The following GLE1 variants were observed in gnomAD, a reference collection of about 807,000 sequenced individuals.
The protein encoded by GLE1 is GLE1 RNA export mediator, also known as mRNA export factor GLE1.
GLE1 carries 78 observed loss-of-function variants against 97.3 expected under a neutral mutation model. That is an observed-to-expected ratio of 0.80 (90% CI 0.67 to 0.97). The LOEUF is 0.97. Among genes scored for constraint, GLE1 ranks in the 50% least tolerant of loss-of-function variants. GLE1 has a pLI of 0.00. For synonymous variants in GLE1, 302 were observed against 313.4 expected, an observed-to-expected ratio of 0.96 and a Z score of 0.39; for missense variants, 753 against 857.5, an observed-to-expected ratio of 0.88 and a Z score of 1.52.
intron 15 of GLE1, chr9:128,540,804 C>A (rs531143822): frequency 3.5e-4 from 155 of 447,014 alleles, no homozygotes; most frequent in Non-Finnish European, 6.1e-4. Context: ...AGATAGCCTG[C>A]TGACTTTTCA....
intron 3 of GLE1, 86 bp from the exon 4 acceptor site, chr9:128,522,582 T>G: frequency 1.4e-6 from 2 of 1,417,024 alleles, no homozygotes; most frequent in Non-Finnish European, 1.9e-6. Flanking sequence ...ACCCGGGAGT[T>G]GGAGGTTGCA....
intron 14 of GLE1, chr9:128,539,932 G>A: frequency 8.3e-7 from 1 of 1,208,442 alleles, no homozygotes; most frequent in Admixed American, 2.5e-5. Flanking sequence ...TAGGGGCTGA[G>A]CACAGTGGCT....
At chr9:128,533,441 A>G in intron 9 of GLE1, 72 bp from the exon 10 acceptor site, 1 of 1,101,022 alleles carries the variant, frequency 9.1e-7, no homozygotes, top group Non-Finnish European at 1.3e-6. Context: ...AAAAAAAAAA[A>G]AAAAAAAAAA....
chr9:128,527,664 A>T (rs959152945), intron 9 of GLE1, 139 bp downstream of exon 9: 10 of 704,574 alleles, frequency 1.4e-5, no homozygotes, highest in East Asian at 2.7e-5. Flanking sequence ...TATAAGTGAC[A>T]TACATCTTGT....
chr9:128,507,138 C>T (rs566125945), intron 1 of GLE1, among the ~76,000 whole-genome samples: 1 of 152,278 alleles, frequency 6.6e-6, no homozygotes, highest in South Asian at 2.1e-4. Context: ...AGATCTGGTA[C>T]TAGATATGCT....
At chr9:128,526,844 A>G (rs141132047) in intron 7 of GLE1, among the ~76,000 whole-genome samples, 271 of 151,942 alleles carry the variant, frequency 1.8e-3, no homozygotes, top group Non-Finnish European at 2.8e-3. Flanking sequence ...TAATTTGTGT[A>G]TTTTTTGTAG....
At position 128,515,649 on chromosome 9, in the gene GLE1, C is replaced by T. The variant is rs1266806972; in HGVS notation, c.432+10C>T. ...CAGAATGAAAGGAACAGTAAGTGAA[C>T]CCATGAAGGAAGGCAGCCTTGATCC... On this transcript the variant is annotated intron_variant, in intron 3 of 15. Coordinates refer to ENST00000309971, the MANE Select transcript of GLE1 (RefSeq NM_001003722.2). The T allele has an allele frequency of 2.8e-6, 4 of 1,442,014 alleles. No individual in the cohort carries two copies. The highest frequency in any genetic ancestry group is 4.5e-5 in the East Asian group (2 of 44,008). The allele number at this position is 1,442,014 out of a possible 1,614,324, so 89.3% of individuals were successfully genotyped here. A position where few individuals can be genotyped will look rare whatever the true frequency, so the allele number is the denominator to read the frequency against.
At position 128,541,213 on chromosome 9, in the gene GLE1, A is replaced by C. The variant is rs994877729; in HGVS notation, c.*43A>C. On this transcript the variant is annotated 3_prime_UTR_variant, in exon 16 of 16. Transcript: ENST00000309971. The stretch of plus-strand genomic sequence containing the variant: ...CCATCACCGCTGCTGCAAAGAGGCA[A>C]TAATAAAGGAACTGAAGACAGCTGT... The C allele has an allele frequency of 2.8e-6, 3 of 1,070,540 alleles. No homozygotes were observed. The highest frequency in any genetic ancestry group is 2.9e-6 in the Non-Finnish European group (2 of 682,734). 66.3% of individuals were successfully genotyped at this position (1,070,540 alleles called of 1,614,324 possible). A position where few individuals can be genotyped will look rare whatever the true frequency, so the allele number is the denominator to read the frequency against.
intron 9 of GLE1, among the ~76,000 whole-genome samples, chr9:128,531,689 G>A (rs1400448510): frequency 6.6e-6 from 1 of 151,502 alleles, no homozygotes; most frequent in Non-Finnish European, 1.5e-5. Context: ...AAAATTAGCC[G>A]GGCGTGGTGG....
In GLE1 at chr9:128,510,315, G is replaced by A. The variant is rs567658359; in HGVS notation, c.321+1218G>A. Among the ~76,000 whole-genome samples, 376 of 151,274 alleles carry A rather than the reference G, an allele frequency of 2.5e-3. 1 individual carries two copies. Among genetic ancestry groups the A allele is most frequent in the Middle Eastern group, 6.8e-3 (2 of 294 alleles). Reference sequence around the variant, plus strand: ...GCAATTTCAGCTCACTGCAACTTCCGCCTCCCGGCTTCAAGCGATTCTCCC... The same window carrying A: ...GCAATTTCAGCTCACTGCAACTTCCACCTCCCGGCTTCAAGCGATTCTCCC... On this transcript the variant is annotated intron_variant, in intron 2 of 15. Coordinates refer to ENST00000309971, the MANE Select transcript of GLE1 (RefSeq NM_001003722.2).
chr9:128,526,726 G>T (rs1245226557), intron 7 of GLE1, among the ~76,000 whole-genome samples: 1 of 151,904 alleles, frequency 6.6e-6, no homozygotes, highest in Non-Finnish European at 1.5e-5. Context: ...GAGGAGTACA[G>T]TGGTATGATT....
At position 128,523,421 on chromosome 9, in the gene GLE1, C is replaced by T. The variant is rs568861870; in HGVS notation, c.642+81C>T. On this transcript the variant is annotated intron_variant, in intron 5 of 15. Coordinates refer to ENST00000309971, the MANE Select transcript of GLE1 (RefSeq NM_001003722.2). ...GGAGAGCCAGGTTTTGGCAGATGGC[C>T]ACCATGGAGGATCTGGGCCGTATTA... 83 of 1,403,062 alleles carry T rather than the reference C, an allele frequency of 5.9e-5. 2 individuals are homozygous for T. In the South Asian group the frequency reaches 8.9e-4, roughly 15 times the overall value. 86.9% of individuals were successfully genotyped at this position (1,403,062 alleles called of 1,614,324 possible).
Position 128,541,226 on chromosome 9 carries a change from T to C in GLE1, c.*56T>C. On this transcript the variant is annotated 3_prime_UTR_variant, in exon 16 of 16. Coordinates refer to ENST00000309971, the MANE Select transcript of GLE1 (RefSeq NM_001003722.2). The stretch of plus-strand genomic sequence containing the variant: ...TGCAAAGAGGCAATAATAAAGGAAC[T>C]GAAGACAGCTGTATTTGGGAGAAGT... 1.1e-6 allele frequency: 1 copy of C among 950,538 alleles called. No homozygotes were observed. Among genetic ancestry groups the C allele is most frequent in the Non-Finnish European group, 1.7e-6 (1 of 573,184 alleles). The allele number at this position is 950,538 out of a possible 1,614,324, so 58.9% of individuals were successfully genotyped here.
chr9:128,513,807 G>A (rs748101904), intron 2 of GLE1, among the ~76,000 whole-genome samples: 31 of 151,714 alleles, frequency 2.0e-4, no homozygotes, highest in Non-Finnish European at 3.5e-4. Context: ...ACGAGGTCAA[G>A]AGATCAAGAC....
At chr9:128,515,128 AGTACTTT>A (rs933904954) in intron 2 of GLE1, among the ~76,000 whole-genome samples, 2 of 152,070 alleles carry the variant, frequency 1.3e-5, no homozygotes, top group African/African-American at 4.8e-5. Flanking sequence ...CTGAGGATAG[AGTACTTT>A]GATAGCCAGC....
intron 2 of GLE1, among the ~76,000 whole-genome samples, chr9:128,512,027 C>G (rs1846840465): frequency 6.6e-6 from 1 of 152,122 alleles, no homozygotes. Flanking sequence ...CCAGGCTGGT[C>G]TCGAACTCCT....
intron 9 of GLE1, among the ~76,000 whole-genome samples, chr9:128,528,283 C>T (rs983398207): frequency 1.5e-4 from 23 of 149,972 alleles, no homozygotes; most frequent in African/African-American, 4.9e-4. Context: ...GGATTACAGG[C>T]GTGAGCCACT....
chr9:128,521,021 T>G (rs1197508147), intron 3 of GLE1, among the ~76,000 whole-genome samples: 1 of 152,052 alleles, frequency 6.6e-6, no homozygotes, highest in African/African-American at 2.4e-5. Context: ...TTTGGCCTCC[T>G]CAAGTGCTGG....
chr9:128,525,569 G>C, intron 7 of GLE1, 146 bp downstream of exon 7: 1 of 688,840 alleles, frequency 1.5e-6, no homozygotes, highest in African/African-American at 1.8e-5. Flanking sequence ...GGTTGATGTA[G>C]AGTCTGATTT....
Sources: gnomAD v4.1 joint callset for allele counts (sites outside exome capture counted in the v4.1 genomes callset) on GRCh38, gnomAD v4.1.1 for gene constraint, MANE v1.5 for transcripts, NCBI Gene and HGNC (gene_info 2026-07-23, HGNC 2026-07-21) for gene names.